Variants in ALK observed in about 807,000 individuals in gnomAD.
ALK encodes ALK receptor tyrosine kinase.
Under a neutral mutation model 163.1 loss-of-function variants are expected in ALK, and 74 were observed. The observed-to-expected ratio is 0.45, with a 90% CI of 0.38 to 0.55. ALK has a LOEUF of 0.55. ALK is among the 20% of genes least tolerant of loss of function. The pLI is 0.00. For missense variants in ALK, 2,063 were observed against 2,105.3 expected (o/e 0.98, Z 0.39); for synonymous variants, 960 against 843.2 (o/e 1.14, Z -2.40).
intron 4 of ALK, among the ~76,000 whole-genome samples, chr2:29,459,465 A>T (rs970902049): frequency 6.6e-6 from 1 of 152,140 alleles, no homozygotes; most frequent in African/African-American, 2.4e-5. Context: ...ACTTGGGAAC[A>T]TAAGTCCCTA....
chr2:29,708,189 T>A (rs951458624), intron 2 of ALK, among the ~76,000 whole-genome samples: 1 of 152,200 alleles, frequency 6.6e-6, no homozygotes, highest in Non-Finnish European at 1.5e-5. Context: ...TGCCTCAGCC[T>A]CCCAAGTAGC....
At chr2:29,836,840 A>G (rs74573447) in intron 1 of ALK, among the ~76,000 whole-genome samples, 1,767 of 152,346 alleles carry the variant, frequency 0.012, 44 homozygotes, top group African/African-American at 0.039. Context: ...TCAATGCTAC[A>G]GTTCCTCCAT....
chr2:29,536,857 C>T (rs1673270978), intron 3 of ALK, among the ~76,000 whole-genome samples: 1 of 152,218 alleles, frequency 6.6e-6, no homozygotes. Context: ...TGTTACACCT[C>T]AGCAAATAAT....
At chr2:29,340,919 C>T (rs920580642) in intron 5 of ALK, among the ~76,000 whole-genome samples, 1 of 152,164 alleles carries the variant, frequency 6.6e-6, no homozygotes, top group African/African-American at 2.4e-5. Flanking sequence ...GCAATATACA[C>T]CTTTCTTATT....
intron 3 of ALK, among the ~76,000 whole-genome samples, chr2:29,586,753 ATATAAAACACTT>A (rs1431475104): frequency 6.6e-6 from 1 of 152,246 alleles, no homozygotes; most frequent in Non-Finnish European, 1.5e-5. Flanking sequence ...CTACCAAAAT[ATATAAAACACTT>A]TCAACATCCA....
intron 3 of ALK, among the ~76,000 whole-genome samples, chr2:29,669,419 TG>T (rs2148268839): frequency 6.6e-6 from 1 of 152,232 alleles, no homozygotes; most frequent in African/African-American, 2.4e-5. Context: ...TAGCTGCTCC[TG>T]TCCTTTTTTG....
At chr2:29,560,064 G>A (rs965200459) in intron 3 of ALK, among the ~76,000 whole-genome samples, 4 of 152,104 alleles carry the variant, frequency 2.6e-5, no homozygotes, top group Non-Finnish European at 4.4e-5. Flanking sequence ...TAAGCATGTG[G>A]TTAACATATA....
intron 11 of ALK, 68 bp from the exon 12 acceptor site, chr2:29,251,335 G>C (rs567164148): frequency 7.4e-5 from 112 of 1,521,340 alleles, no homozygotes; most frequent in Non-Finnish European, 9.2e-5. Context: ...GCCTCCCTGG[G>C]TGGCCTCTGA....
chr2:29,320,758 G>T lies in ALK; in HGVS notation c.1539C>A (p.Asp513Glu). 1 of 1,613,762 alleles carries T rather than the reference G, an allele frequency of 6.2e-7. No individual in the cohort carries two copies. Among genetic ancestry groups the T allele is most frequent in the Non-Finnish European group, 8.5e-7 (1 of 1,179,970 alleles). Residue 513 changes from aspartate (D) to glutamate (E), a missense_variant, in exon 7 of 29, where the codon GAC becomes GAA. Coordinates refer to ENST00000389048, the MANE Select transcript of ALK (RefSeq NM_004304.5). ...GCAGGAGAGCAGTAGTACCTTGGTG[G>T]TCCTGGAACCGGGCATCCTTTAGGG... ...VRTLKDARFQ[D>E]HQDHALLLST...
At position 29,852,980 on chromosome 2, in the gene ALK, G is replaced by A. The variant is rs558339072; in HGVS notation, c.667+67013C>T. Among the ~76,000 whole-genome samples the A allele has an allele frequency of 5.3e-5, 8 of 152,222 alleles. No homozygotes were observed. The East Asian group carries it at 1.5e-3, about 29-fold the overall frequency. ...CAACACCTTGGTTTTGGACTTCTCA[G>A]TATCCAGGACTGTGAGAAATAGATG... On this transcript the variant is annotated intron_variant, in intron 1 of 28. Coordinates refer to ENST00000389048, the MANE Select transcript of ALK (RefSeq NM_004304.5).
chr2:29,318,844 GC>G (rs1157239016), intron 7 of ALK, among the ~76,000 whole-genome samples: 27 of 152,270 alleles, frequency 1.8e-4, no homozygotes, highest in African/African-American at 6.3e-4. Flanking sequence ...GGGATTACAG[GC>G]ATGAGCCACT....
At chr2:29,455,218 T>C (rs775418295) in intron 4 of ALK, among the ~76,000 whole-genome samples, 2 of 152,120 alleles carry the variant, frequency 1.3e-5, no homozygotes, top group Non-Finnish European at 2.9e-5. Flanking sequence ...GCGGGAACAG[T>C]GTGAAGAGAG....
intron 3 of ALK, among the ~76,000 whole-genome samples, chr2:29,676,773 G>C (rs1032962975): frequency 1.3e-5 from 2 of 151,946 alleles, no homozygotes; most frequent in Non-Finnish European, 2.9e-5. Context: ...ATTCCAAAAT[G>C]TAATGTCTCT....
intron 1 of ALK, among the ~76,000 whole-genome samples, chr2:29,911,227 G>A (rs1667695270): frequency 6.6e-6 from 1 of 152,210 alleles, no homozygotes; most frequent in African/African-American, 2.4e-5. Flanking sequence ...GGAACTTTAT[G>A]ATTCAGTGAG....
chr2:29,223,041 T>TTGCTCCCC (rs1346629861), intron 20 of ALK, among the ~76,000 whole-genome samples: 1 of 152,052 alleles, frequency 6.6e-6, no homozygotes, highest in Non-Finnish European at 1.5e-5. Context: ...GAGGGGCCCT[T>TTGCTCCCC]TGCTCCCCTG....
At chr2:29,802,299 G>C (rs1218055409) in intron 1 of ALK, among the ~76,000 whole-genome samples, 1 of 129,036 alleles carries the variant, frequency 7.7e-6, no homozygotes, top group Non-Finnish European at 1.6e-5. Context: ...CAGAGAAGAG[G>C]AGGGGAGGGA....
chr2:29,429,670 AT>A (rs910533130), intron 4 of ALK, among the ~76,000 whole-genome samples: 83 of 152,102 alleles, frequency 5.5e-4, no homozygotes, highest in African/African-American at 1.9e-3. Context: ...AGATCAATAG[AT>A]TAAATATAAT....
chr2:29,785,080 A>G (rs1663974048), intron 1 of ALK, among the ~76,000 whole-genome samples: 2 of 152,266 alleles, frequency 1.3e-5, no homozygotes, highest in Middle Eastern at 3.4e-3. Flanking sequence ...AAAAAGAGGG[A>G]CAAGTACTGG....
At chr2:29,791,948 A>T (rs1345505284) in intron 1 of ALK, among the ~76,000 whole-genome samples, 3 of 152,202 alleles carry the variant, frequency 2.0e-5, no homozygotes, top group African/African-American at 7.2e-5. Context: ...TGTGTTTTCC[A>T]TAGATGTTTA....
Sources: gnomAD v4.1 joint callset for allele counts (sites outside exome capture counted in the v4.1 genomes callset) on GRCh38, gnomAD v4.1.1 for gene constraint, MANE v1.5 for transcripts, NCBI Gene and HGNC (gene_info 2026-07-23, HGNC 2026-07-21) for gene names.